Variants in GADL1 observed in about 807,000 individuals in gnomAD.
The protein encoded by GADL1 is acidic amino acid decarboxylase GADL1.
GADL1 carries 71 observed loss-of-function variants against 69.5 expected under a neutral mutation model. The observed-to-expected ratio is 1.02, with a 90% CI of 0.84 to 1.25. The LOEUF (loss-of-function observed/expected upper bound fraction) is 1.25, where lower values mean the gene tolerates loss of function less well. GADL1 is among the 50% of genes most tolerant of loss of function. The pLI is 0.00. For missense variants in GADL1, 737 were observed against 631.8 expected (o/e 1.17, Z -1.79); for synonymous variants, 254 against 214.4 (o/e 1.18, Z -1.62).
At chr3:30,789,056 G>A (rs1429551263) in intron 12 of GADL1, among the ~76,000 whole-genome samples, 2 of 152,102 alleles carry the variant, frequency 1.3e-5, no homozygotes, top group African/African-American at 4.8e-5. Flanking sequence ...GTATAAAAGG[G>A]TAAACCCATA....
chr3:30,746,564 C>G (rs1559485398), intron 14 of GADL1, among the ~76,000 whole-genome samples: 1 of 152,038 alleles, frequency 6.6e-6, no homozygotes, highest in Non-Finnish European at 1.5e-5. Context: ...ACAGGTGCAC[C>G]AGGTGAGACA....
chr3:30,752,702 C>T (rs937835749), intron 14 of GADL1, among the ~76,000 whole-genome samples: 2 of 152,152 alleles, frequency 1.3e-5, no homozygotes, highest in Non-Finnish European at 2.9e-5. Flanking sequence ...AGTGACTGTT[C>T]TAGAGGAACT....
chr3:30,845,207 T>G (rs934043379), intron 6 of GADL1, among the ~76,000 whole-genome samples: 2 of 152,180 alleles, frequency 1.3e-5, no homozygotes, highest in Admixed American at 1.3e-4. Context: ...TAGATGAATA[T>G]GGAATTAAGT....
intron 4 of GADL1, 54 bp from the exon 5 acceptor site, chr3:30,850,995 T>C: frequency 9.4e-7 from 1 of 1,062,180 alleles, no homozygotes; most frequent in Non-Finnish European, 1.4e-6. Context: ...AAACATTCCT[T>C]TGGTGTCCCA....
chr3:30,835,732 C>T (rs80058860), intron 9 of GADL1, among the ~76,000 whole-genome samples: 258 of 152,178 alleles, frequency 1.7e-3, no homozygotes, highest in African/African-American at 5.5e-3. Flanking sequence ...AAGGCTCCAT[C>T]AACTCCATGG....
intron 13 of GADL1, 72 bp from the exon 14 acceptor site, chr3:30,778,340 C>G: frequency 1.1e-6 from 1 of 878,874 alleles, no homozygotes; most frequent in Non-Finnish European, 1.6e-6. Flanking sequence ...ACTTTTAAAA[C>G]TCTTAGCTAG....
chr3:30,783,195 C>T (rs1046868435), intron 13 of GADL1, among the ~76,000 whole-genome samples: 1 of 152,128 alleles, frequency 6.6e-6, no homozygotes, highest in East Asian at 1.9e-4. Context: ...AATAACTCCT[C>T]CTAGTGTAGA....
At chr3:30,832,392 T>C (rs1053722501) in intron 11 of GADL1, among the ~76,000 whole-genome samples, 11 of 151,522 alleles carry the variant, frequency 7.3e-5, no homozygotes, top group Admixed American at 1.3e-4. Flanking sequence ...AAATTTAAAT[T>C]GCCTCAAGTA....
intron 1 of GADL1, among the ~76,000 whole-genome samples, chr3:30,883,979 T>TATCC (rs1399750953): frequency 6.6e-6 from 1 of 152,072 alleles, no homozygotes; most frequent in Non-Finnish European, 1.5e-5. Flanking sequence ...AGACAACTGG[T>TATCC]ATCCCACTTG....
At chr3:30,855,501 A>G (rs1698215400) in intron 3 of GADL1, among the ~76,000 whole-genome samples, 1 of 152,086 alleles carries the variant, frequency 6.6e-6, no homozygotes, top group Non-Finnish European at 1.5e-5. Flanking sequence ...CAGTATATAG[A>G]TGGAGTAAGA....
At chr3:30,845,417 A>T (rs1322484919) in intron 6 of GADL1, among the ~76,000 whole-genome samples, 1 of 152,194 alleles carries the variant, frequency 6.6e-6, no homozygotes, top group African/African-American at 2.4e-5. Context: ...GTACCAAAAA[A>T]AAATCTTAGT....
intron 12 of GADL1, among the ~76,000 whole-genome samples, chr3:30,787,979 A>G (rs1047393665): frequency 2.0e-5 from 3 of 152,180 alleles, no homozygotes; most frequent in African/African-American, 7.2e-5. Context: ...ATGCAATTGT[A>G]TTAAAAATTG....
chr3:30,840,154 C>T (rs1000453344), intron 8 of GADL1, among the ~76,000 whole-genome samples: 4 of 151,952 alleles, frequency 2.6e-5, no homozygotes, highest in African/African-American at 9.7e-5. Flanking sequence ...CATTTTTTCC[C>T]CTCAGTTTTA....
intron 2 of GADL1, among the ~76,000 whole-genome samples, chr3:30,858,057 A>G (rs1424148421): frequency 6.6e-6 from 1 of 151,930 alleles, no homozygotes; most frequent in Non-Finnish European, 1.5e-5. Flanking sequence ...CCCCTTTAAC[A>G]TTTCCTACTA....
intron 11 of GADL1, among the ~76,000 whole-genome samples, chr3:30,804,677 A>C (rs1697222181): frequency 6.6e-6 from 1 of 152,130 alleles, no homozygotes; most frequent in Non-Finnish European, 1.5e-5. Context: ...CTGACTCCCA[A>C]CCTGCCCCTT....
At chr3:30,733,129 T>G (rs1210885725) in intron 14 of GADL1, among the ~76,000 whole-genome samples, 1 of 152,162 alleles carries the variant, frequency 6.6e-6, no homozygotes, top group Non-Finnish European at 1.5e-5. Context: ...AAACTAATAC[T>G]TTAGTAAAAT....
chr3:30,872,012 A>G (rs1193630115), intron 1 of GADL1, among the ~76,000 whole-genome samples: 1 of 151,888 alleles, frequency 6.6e-6, no homozygotes, highest in East Asian at 1.9e-4. Context: ...AGTAAATATT[A>G]CTTGATAAGG....
chr3:30,834,349 T>G, intron 9 of GADL1, 68 bp from the exon 10 acceptor site: 1 of 1,296,948 alleles, frequency 7.7e-7, no homozygotes, highest in Non-Finnish European at 1.1e-6. Flanking sequence ...TGGGTTGTCA[T>G]AGAAAACCCT....
Position 30,728,100 on chromosome 3 carries a change from C to T in GADL1, c.*142G>A. The T allele has an allele frequency of 3.0e-6, 2 of 658,704 alleles. No homozygotes were observed. 40.8% of individuals were successfully genotyped at this position (658,704 alleles called of 1,614,324 possible). On this transcript the variant is annotated 3_prime_UTR_variant, in exon 15 of 15. Coordinates refer to ENST00000282538, the MANE Select transcript of GADL1 (RefSeq NM_207359.3). ...AGAGTCCTTAATATTCATTGCTTAG[C>T]ATTTTGGTTTTGCTGGGCCTGGACT...
Sources: gnomAD v4.1 joint callset for allele counts (sites outside exome capture counted in the v4.1 genomes callset) on GRCh38, gnomAD v4.1.1 for gene constraint, MANE v1.5 for transcripts, NCBI Gene and HGNC (gene_info 2026-07-23, HGNC 2026-07-21) for gene names.